Variants in ZNF516 observed in about 807,000 individuals in gnomAD.
ZNF516 encodes zinc finger protein 516.
ZNF516 carries 19 observed loss-of-function variants against 79.7 expected under a neutral mutation model. The ratio of observed to expected loss-of-function variants is 0.24; its 90% CI spans 0.17 to 0.35. The LOEUF (loss-of-function observed/expected upper bound fraction) is 0.35. ZNF516 is among the 10% of genes least tolerant of loss of function. The pLI, the probability that ZNF516 is intolerant of heterozygous loss-of-function variation, is 1.00. For synonymous variants in ZNF516, 877 were observed against 739.5 expected (o/e 1.19, Z -3.02); for missense variants, 1,678 against 1,679.5 (o/e 1.00, Z 0.02).
chr18:76,493,143 A>G lies in ZNF516; in HGVS notation c.-272+2001T>C. On this transcript the variant is annotated intron_variant, in intron 1 of 6. Transcript: ENST00000443185. This position sits in a 1 kb window ranked among gnomAD's most constrained non-coding sequence, Gnocchi z 5.2. ...CTCCCTACCGTTTCATTTAATGGTA[A>G]AACAACAGCAGAGCTCTGAAAGTTA... The G allele has an allele frequency of 2.0e-5, 20 of 985,356 alleles. No individual in the cohort carries two copies. The highest frequency in any genetic ancestry group is 2.4e-5 in the Non-Finnish European group (20 of 829,890). 61.0% of individuals were successfully genotyped at this position (985,356 alleles called of 1,614,324 possible). A position where few individuals can be genotyped will look rare whatever the true frequency, so the allele number is the denominator to read the frequency against.
intron 3 of ZNF516, among the ~76,000 whole-genome samples, chr18:76,428,034 G>A (rs2075617289): frequency 6.6e-6 from 1 of 152,088 alleles, no homozygotes; most frequent in Non-Finnish European, 1.5e-5. Flanking sequence ...ATTCAAACAG[G>A]CAGCACCTAT....
chr18:76,486,037 CAG>C (rs1178611110), intron 1 of ZNF516, among the ~76,000 whole-genome samples: 1 of 152,082 alleles, frequency 6.6e-6, no homozygotes, highest in African/African-American at 2.4e-5. Context: ...TTGTGACCCC[CAG>C]AAGTCTTAAC....
At chr18:76,366,572 G>A (rs533922164) in intron 6 of ZNF516, among the ~76,000 whole-genome samples, 2 of 152,322 alleles carry the variant, frequency 1.3e-5, no homozygotes, top group African/African-American at 2.4e-5. Context: ...CCATCAAACT[G>A]AGTTCATAAG....
At chr18:76,491,947 A>G (rs1915251549) in intron 1 of ZNF516, among the ~76,000 whole-genome samples, 1 of 151,926 alleles carries the variant, frequency 6.6e-6, no homozygotes, top group Non-Finnish European at 1.5e-5. Context: ...AGTGGGAGGG[A>G]AGGCGCGGAG....
intron 3 of ZNF516, among the ~76,000 whole-genome samples, chr18:76,437,587 T>C (rs1046709950): frequency 3.3e-5 from 5 of 152,142 alleles, no homozygotes; most frequent in Non-Finnish European, 7.4e-5. Flanking sequence ...CAATGGTCCT[T>C]TGTGGGACAG....
At chr18:76,415,582 T>C (rs566343913) in intron 3 of ZNF516, among the ~76,000 whole-genome samples, 23 of 152,010 alleles carry the variant, frequency 1.5e-4, no homozygotes, top group Admixed American at 6.5e-4. Flanking sequence ...AGGTGGGTTC[T>C]GAAGTGCAAC....
At chr18:76,366,608 T>C (rs765320568) in intron 6 of ZNF516, among the ~76,000 whole-genome samples, 23 of 152,240 alleles carry the variant, frequency 1.5e-4, no homozygotes, top group Non-Finnish European at 2.2e-4. Flanking sequence ...GGCTTATCAA[T>C]GACAGCCATC....
At chr18:76,480,744 A>T (rs1308201118) in intron 1 of ZNF516, among the ~76,000 whole-genome samples, 1 of 151,518 alleles carries the variant, frequency 6.6e-6, no homozygotes, top group Non-Finnish European at 1.5e-5. Context: ...CTGGTCTCAA[A>T]CTCCTGACCT....
intron 1 of ZNF516, among the ~76,000 whole-genome samples, chr18:76,485,932 A>AATAATAATAAAC (rs1325429564): frequency 2.4e-4 from 37 of 151,612 alleles, no homozygotes; most frequent in African/African-American, 6.8e-4. Context: ...TAATAATAAT[A>AATAATAATAAAC]AACATACTTT....
intron 1 of ZNF516, among the ~76,000 whole-genome samples, chr18:76,484,169 TG>T (rs1914694606): frequency 6.6e-6 from 1 of 152,164 alleles, no homozygotes; most frequent in African/African-American, 2.4e-5. Context: ...GCACAGCGTA[TG>T]GAGAAAAAGG....
At chr18:76,412,522 G>A (rs576296632) in intron 3 of ZNF516, among the ~76,000 whole-genome samples, 1 of 152,282 alleles carries the variant, frequency 6.6e-6, no homozygotes, top group Non-Finnish European at 1.5e-5. Context: ...CCCACCTGGC[G>A]ATCAGCAGGG....
chr18:76,481,333 G>A (rs1326397518), intron 1 of ZNF516, among the ~76,000 whole-genome samples: 2 of 152,208 alleles, frequency 1.3e-5, no homozygotes, highest in Non-Finnish European at 2.9e-5. Context: ...GGACCCCAAA[G>A]AGGCAGACAG....
At chr18:76,488,035 C>CA in intron 1 of ZNF516, 1 of 985,406 alleles carries the variant, frequency 1.0e-6, no homozygotes, top group Non-Finnish European at 1.2e-6. Context: ...GCTGCACAAA[C>CA]AGAGGCTTGT....
At chr18:76,391,275 A>G (rs2075070423) in intron 3 of ZNF516, among the ~76,000 whole-genome samples, 2 of 152,128 alleles carry the variant, frequency 1.3e-5, no homozygotes, top group South Asian at 4.1e-4. Flanking sequence ...CCACAACCCT[A>G]ATCCCAGCAC....
chr18:76,403,992 C>T (rs769461641), intron 3 of ZNF516, among the ~76,000 whole-genome samples: 2 of 152,378 alleles, frequency 1.3e-5, no homozygotes, highest in African/African-American at 4.8e-5. Context: ...GTGGCCCCCA[C>T]GTGGGTACCA....
chr18:76,454,162 T>C (rs574240022), intron 2 of ZNF516, among the ~76,000 whole-genome samples: 1 of 152,356 alleles, frequency 6.6e-6, no homozygotes, highest in Admixed American at 6.5e-5. Flanking sequence ...TACCTTCCGA[T>C]GTAGTGCTGT....
intron 6 of ZNF516, among the ~76,000 whole-genome samples, chr18:76,368,545 C>G (rs901718045): frequency 6.6e-6 from 1 of 151,908 alleles, no homozygotes; most frequent in Non-Finnish European, 1.5e-5. Context: ...GATCTTCACA[C>G]CAACAGTTAA....
At position 76,479,212 on chromosome 18, in the gene ZNF516, C is replaced by T. The variant is rs186963676; in HGVS notation, c.-272+15932G>A. Among the ~76,000 whole-genome samples, 3 of 152,276 alleles carry T rather than the reference C, an allele frequency of 2.0e-5. No homozygotes were observed. The East Asian group carries it at 5.8e-4, about 29-fold the overall frequency. On this transcript the variant is annotated intron_variant, in intron 1 of 6. Coordinates refer to ENST00000443185, the MANE Select transcript of ZNF516 (RefSeq NM_014643.4). ...CTTCGGGATGTTTGAATAAAAGGGG[C>T]CTTGACTTGGACCTACAGGGCAGGT...
intron 3 of ZNF516, among the ~76,000 whole-genome samples, chr18:76,418,527 A>G (rs572021893): frequency 6.6e-6 from 1 of 151,918 alleles, no homozygotes; most frequent in East Asian, 1.9e-4. Context: ...ACACTATAAC[A>G]CGCACTGTAA....
Sources: gnomAD v4.1 joint callset for allele counts (sites outside exome capture counted in the v4.1 genomes callset) on GRCh38, gnomAD v4.1.1 for gene constraint, Gnocchi (gnomAD v3.1) non-coding constraint, MANE v1.5 for transcripts, NCBI Gene and HGNC (gene_info 2026-07-23, HGNC 2026-07-21) for gene names.